CEP162: variants seen among roughly 807,000 people sequenced by gnomAD.
CEP162 encodes the protein centrosomal protein 162, also known as centrosomal protein of 162 kDa.
Under a neutral mutation model 169.2 loss-of-function variants are expected in CEP162, and 141 were observed. The observed-to-expected ratio is 0.83, with a 90% CI of 0.73 to 0.96. The LOEUF (loss-of-function observed/expected upper bound fraction) is 0.96. CEP162 is among the 40% of genes least tolerant of loss of function. The pLI is 0.00. For missense variants in CEP162, 1,600 were observed against 1,587.2 expected, an observed-to-expected ratio of 1.01 and a Z score of -0.14; for synonymous variants, 540 against 526.4, an observed-to-expected ratio of 1.03 and a Z score of -0.35.
intron 23 of CEP162, among the ~76,000 whole-genome samples, chr6:84,150,402 T>C (rs553196132): frequency 6.6e-6 from 1 of 152,282 alleles, no homozygotes; most frequent in South Asian, 2.1e-4. Flanking sequence ...AAGCATGTAT[T>C]TTAGTAAACT....
intron 13 of CEP162, among the ~76,000 whole-genome samples, chr6:84,180,801 C>T (rs1285069336): frequency 2.6e-5 from 4 of 152,144 alleles, no homozygotes; most frequent in East Asian, 1.9e-4. Context: ...ATGTGAAGGA[C>T]CTCTTCAAGG....
chr6:84,173,357 T>C (rs369127004), intron 16 of CEP162, among the ~76,000 whole-genome samples: 9 of 152,172 alleles, frequency 5.9e-5, no homozygotes, highest in South Asian at 4.1e-4. Flanking sequence ...AGTCAAAAAA[T>C]AGTAAGTAAA....
intron 21 of CEP162, among the ~76,000 whole-genome samples, chr6:84,157,219 G>A (rs2476908): frequency 0.24 from 37,030 of 152,016 alleles, 9,936 homozygotes; most frequent in African/African-American, 0.67. Flanking sequence ...TCAATATTTC[G>A]GAGATATTTA....
Position 84,201,727 on chromosome 6 carries a change from T to C in CEP162, c.718+10A>G. On this transcript the variant is annotated intron_variant, in intron 8 of 26. Transcript: ENST00000403245. ...TTGCCAACTAAAACATGAATATAAATAATATTTACCATTAGCAAGCATGCC... is the reference window on the plus strand; with the variant it reads ...TTGCCAACTAAAACATGAATATAAACAATATTTACCATTAGCAAGCATGCC... The C allele has an allele frequency of 2.4e-6, 3 of 1,271,586 alleles. No homozygotes were observed. The highest frequency in any genetic ancestry group is 1.4e-5 in the South Asian group (1 of 70,948). The allele number at this position is 1,271,586 out of a possible 1,614,324, so 78.8% of individuals were successfully genotyped here. A position where few individuals can be genotyped will look rare whatever the true frequency, so the allele number is the denominator to read the frequency against.
intron 20 of CEP162, 72 bp from the exon 21 acceptor site, chr6:84,160,988 A>C: frequency 9.9e-7 from 1 of 1,007,064 alleles, no homozygotes; most frequent in Non-Finnish European, 1.6e-6. Flanking sequence ...GGAAAGCATA[A>C]TATTAGTGCA....
At chr6:84,128,862 G>A (rs1382121010) in intron 25 of CEP162, among the ~76,000 whole-genome samples, 1 of 150,642 alleles carries the variant, frequency 6.6e-6, no homozygotes, top group African/African-American at 2.4e-5. Flanking sequence ...CCCCCGACAG[G>A]CCCCGGTGTG....
chr6:84,153,005 C>T lies in CEP162; in HGVS notation c.3169G>A (p.Ala1057Thr), dbSNP rs1325815391. The stretch of plus-strand genomic sequence containing the variant: ...TCATTTTTCTTGACGTCTAATTCAG[C>T]ATTCTGATGTTTAAGAACGTCTATT... ...AEIDVLKHQN[A>T]ELDVKKNDKD... Residue 1057 changes from alanine (A) to threonine (T), a missense_variant, in exon 23 of 27, where the codon GCT becomes ACT. Ala to Thr is a moderately conservative substitution (Grantham distance 58). Coordinates refer to ENST00000403245, the MANE Select transcript of CEP162 (RefSeq NM_014895.4). The T allele has an allele frequency of 1.2e-6, 2 of 1,613,394 alleles. No homozygotes were observed. The highest frequency in any genetic ancestry group is 1.7e-5 in the Admixed American group (1 of 59,852).
intron 25 of CEP162, among the ~76,000 whole-genome samples, chr6:84,138,249 G>C (rs2099515003): frequency 6.6e-6 from 1 of 152,152 alleles, no homozygotes; most frequent in South Asian, 2.1e-4. Context: ...CAAAATATTT[G>C]AAACAACTGT....
chr6:84,192,442 A>G (rs1238129054), intron 11 of CEP162, among the ~76,000 whole-genome samples: 2 of 152,252 alleles, frequency 1.3e-5, no homozygotes, highest in Non-Finnish European at 2.9e-5. Flanking sequence ...GATGAGTGGT[A>G]CCATCTCTCC....
chr6:84,165,943 TG>T (rs2099527639), intron 18 of CEP162, among the ~76,000 whole-genome samples: 1 of 152,214 alleles, frequency 6.6e-6, no homozygotes, highest in South Asian at 2.1e-4. Context: ...ATGCTCTTTC[TG>T]CAAAAACCTG....
At chr6:84,205,167 T>C (rs937815625) in intron 6 of CEP162, among the ~76,000 whole-genome samples, 4 of 152,158 alleles carry the variant, frequency 2.6e-5, no homozygotes, top group Admixed American at 2.6e-4. Flanking sequence ...TGGTACCATT[T>C]CTTCTGAAAC....
chr6:84,211,081 A>C (rs1284191685), intron 6 of CEP162, among the ~76,000 whole-genome samples: 2 of 152,242 alleles, frequency 1.3e-5, no homozygotes, highest in Non-Finnish European at 2.9e-5. Context: ...CTAAATAGCC[A>C]ACAGAAAAGA....
intron 22 of CEP162, 81 bp downstream of exon 22, chr6:84,155,217 T>A: frequency 9.5e-7 from 1 of 1,053,592 alleles, no homozygotes; most frequent in South Asian, 1.5e-5. Context: ...TTTATAGCTA[T>A]TTGTTAAAGT....
chr6:84,187,468 T>C (rs2099537675), intron 11 of CEP162, among the ~76,000 whole-genome samples: 1 of 152,232 alleles, frequency 6.6e-6, no homozygotes, highest in Non-Finnish European at 1.5e-5. Flanking sequence ...ATAATAGTTC[T>C]TTCCTTCTTC....
In CEP162 at chr6:84,149,720, A is replaced by G; in HGVS notation, c.3630-17T>C. 5 of 1,469,230 alleles carry G rather than the reference A, an allele frequency of 3.4e-6. No homozygotes were observed. Among genetic ancestry groups the G allele is most frequent in the Non-Finnish European group, 4.5e-6 (5 of 1,105,814 alleles). 91.0% of individuals were successfully genotyped at this position (1,469,230 alleles called of 1,614,324 possible). A position where few individuals can be genotyped will look rare whatever the true frequency, so the allele number is the denominator to read the frequency against. ...TCCTTGACCCTACAGAGCAAATGAA[A>G]GAAAACCACACATAAAAGTGGCTCT... On this transcript the variant is annotated splice_polypyrimidine_tract_variant and intron_variant, in intron 23 of 26. Coordinates refer to ENST00000403245, the MANE Select transcript of CEP162 (RefSeq NM_014895.4).
At chr6:84,137,258 C>G (rs1562001398) in intron 25 of CEP162, among the ~76,000 whole-genome samples, 1 of 152,184 alleles carries the variant, frequency 6.6e-6, no homozygotes. Context: ...ATCCAGCATG[C>G]CAAGTGTGGC....
At chr6:84,202,369 C>A (rs1300824529) in intron 7 of CEP162, among the ~76,000 whole-genome samples, 2 of 152,044 alleles carry the variant, frequency 1.3e-5, no homozygotes, top group East Asian at 3.9e-4. Context: ...GAGCTTTAAT[C>A]CCTTCCTATT....
chr6:84,154,314 A>ATCTGTCTG (rs1170423529), intron 22 of CEP162, among the ~76,000 whole-genome samples: 39 of 137,232 alleles, frequency 2.8e-4, no homozygotes, highest in African/African-American at 1.1e-3. Context: ...TATCAGGGAT[A>ATCTGTCTG]TCTATCTATC....
intron 4 of CEP162, 86 bp from the exon 5 acceptor site, chr6:84,215,551 G>A (rs1485134411): frequency 3.2e-6 from 4 of 1,238,666 alleles, no homozygotes; most frequent in Non-Finnish European, 3.3e-6. Flanking sequence ...ACATTATGTA[G>A]TAAATTTTAA....
Sources: allele counts gnomAD v4.1 joint callset (sites outside exome capture counted in the v4.1 genomes callset), GRCh38; gene constraint gnomAD v4.1.1; transcripts MANE v1.5; gene names NCBI Gene and HGNC (gene_info 2026-07-23, HGNC 2026-07-21).